MYRIP: variants seen among roughly 807,000 people sequenced by gnomAD.
MYRIP encodes the protein myosin VIIA and Rab interacting protein, also known as rab effector MyRIP.
Under a neutral mutation model 98.0 loss-of-function variants are expected in MYRIP, and 49 were observed. The ratio of observed to expected loss-of-function variants is 0.50; its 90% CI spans 0.40 to 0.63. MYRIP has a LOEUF of 0.63. Among genes scored for constraint, MYRIP ranks in the 30% least tolerant of loss-of-function variants. MYRIP has a pLI of 0.00. For synonymous variants in MYRIP, 404 were observed against 409.5 expected (o/e 0.99, Z 0.16); for missense variants, 1,004 against 1,058.2 (o/e 0.95, Z 0.71).
chr3:40,007,518 A>G (rs554635854), intron 2 of MYRIP, among the ~76,000 whole-genome samples: 31 of 152,268 alleles, frequency 2.0e-4, no homozygotes, highest in African/African-American at 6.7e-4. Flanking sequence ...CATTCCTCAC[A>G]GACATTGTGA....
chr3:40,010,412 G>A (rs1946735909), intron 2 of MYRIP, among the ~76,000 whole-genome samples: 1 of 152,190 alleles, frequency 6.6e-6, no homozygotes, highest in Non-Finnish European at 1.5e-5. Flanking sequence ...ATTCTAGTAG[G>A]AGACAGCCAT....
At chr3:39,820,032 C>G (rs1056191731) in intron 1 of MYRIP, among the ~76,000 whole-genome samples, 3 of 152,100 alleles carry the variant, frequency 2.0e-5, no homozygotes, top group African/African-American at 7.2e-5. Context: ...TGATCTGCAG[C>G]CGGGATACAC....
At chr3:39,913,658 C>T (rs1944080534) in intron 2 of MYRIP, among the ~76,000 whole-genome samples, 1 of 152,176 alleles carries the variant, frequency 6.6e-6, no homozygotes, top group African/African-American at 2.4e-5. Flanking sequence ...TTGAGACACC[C>T]ATGTTATGAT....
chr3:39,918,268 T>G (rs1315777313), intron 2 of MYRIP, among the ~76,000 whole-genome samples: 1 of 152,204 alleles, frequency 6.6e-6, no homozygotes, highest in Non-Finnish European at 1.5e-5. Context: ...ATCAAATTTG[T>G]GCTCAAATAA....
chr3:39,898,543 C>G (rs1452621099), intron 1 of MYRIP, among the ~76,000 whole-genome samples: 1 of 152,020 alleles, frequency 6.6e-6, no homozygotes, highest in Non-Finnish European at 1.5e-5. Context: ...GATTTTAAAA[C>G]CTGAGGTTTT....
intron 1 of MYRIP, among the ~76,000 whole-genome samples, chr3:39,847,615 T>G (rs929001022): frequency 2.0e-5 from 3 of 152,198 alleles, no homozygotes; most frequent in Non-Finnish European, 2.9e-5. Flanking sequence ...GGGTTAATTC[T>G]CAGTGATTTT....
chr3:40,062,893 A>G (rs1948048306), intron 3 of MYRIP, among the ~76,000 whole-genome samples: 1 of 152,232 alleles, frequency 6.6e-6, no homozygotes, highest in African/African-American at 2.4e-5. Flanking sequence ...ACCAAGATGT[A>G]GCAAGTCAAA....
chr3:39,966,020 G>C (rs2125738262), intron 2 of MYRIP, among the ~76,000 whole-genome samples: 1 of 152,280 alleles, frequency 6.6e-6, no homozygotes, highest in Admixed American at 6.5e-5. Context: ...AAGGCCATTA[G>C]CAAAATGATG....
intron 11 of MYRIP, among the ~76,000 whole-genome samples, chr3:40,224,700 T>A (rs1191463794): frequency 6.6e-6 from 1 of 152,134 alleles, no homozygotes; most frequent in East Asian, 1.9e-4. Context: ...AAAAGGAAAA[T>A]ATTTCTTTTA....
intron 2 of MYRIP, among the ~76,000 whole-genome samples, chr3:40,035,342 CAAG>C (rs1381277866): frequency 6.6e-6 from 1 of 151,910 alleles, no homozygotes; most frequent in African/African-American, 2.4e-5. Context: ...ATGGATTCCC[CAAG>C]ATGAGAAACA....
chr3:39,951,216 C>A (rs79754719), intron 2 of MYRIP, among the ~76,000 whole-genome samples: 3 of 152,040 alleles, frequency 2.0e-5, no homozygotes, highest in African/African-American at 7.3e-5. Context: ...ACTCAAACCC[C>A]CCTGGCTTTA....
chr3:40,186,680 T>G (rs1354873316), intron 9 of MYRIP, among the ~76,000 whole-genome samples: 5 of 152,166 alleles, frequency 3.3e-5, no homozygotes, highest in Non-Finnish European at 7.4e-5. Context: ...AAGTAAAGAC[T>G]TGCAAGTGCT....
At chr3:40,053,393 G>A (rs974494216) in intron 3 of MYRIP, among the ~76,000 whole-genome samples, 2 of 152,070 alleles carry the variant, frequency 1.3e-5, no homozygotes, top group African/African-American at 4.8e-5. Flanking sequence ...ACCATGAGGT[G>A]GATAGGAATT....
chr3:39,951,220 G>C (rs1193305020), intron 2 of MYRIP, among the ~76,000 whole-genome samples: 1 of 152,080 alleles, frequency 6.6e-6, no homozygotes, highest in Non-Finnish European at 1.5e-5. Flanking sequence ...AAACCCCCCT[G>C]GCTTTAGCTC....
intron 6 of MYRIP, 21 bp downstream of exon 6, chr3:40,166,964 C>G (rs555573013): frequency 1.3e-6 from 2 of 1,577,684 alleles, no homozygotes; most frequent in African/African-American, 1.3e-5. Context: ...TCCTGCTCCT[C>G]TCTGTGGGGG....
intron 2 of MYRIP, among the ~76,000 whole-genome samples, chr3:40,011,742 A>G (rs1322622891): frequency 6.6e-6 from 1 of 152,238 alleles, no homozygotes; most frequent in Admixed American, 6.5e-5. Context: ...CCTGGGGCAT[A>G]TAAAAAGTAA....
At chr3:39,991,668 A>C (rs1451142732) in intron 2 of MYRIP, among the ~76,000 whole-genome samples, 5 of 151,958 alleles carry the variant, frequency 3.3e-5, no homozygotes, top group Non-Finnish European at 5.9e-5. Flanking sequence ...TTCCTGTACC[A>C]CCTTCAAGTA....
rs968124360 is a variant in MYRIP at position 40,227,078 on chromosome 3, A to G, written c.1906-6781A>G. On this transcript the variant is annotated intron_variant, in intron 11 of 16. Coordinates refer to ENST00000302541, the MANE Select transcript of MYRIP (RefSeq NM_015460.4). ...TGCAGGACAGATCTTACCTTCTGCT[A>G]CCTGCTGTTGTCTCCTGACTGCTTC... 5.3e-5 allele frequency among the ~76,000 whole-genome samples: 8 copies of G among 152,268 alleles called. 1 individual carries two copies. In the East Asian group the frequency reaches 1.2e-3, roughly 22 times the overall value.
At chr3:40,085,505 G>A (rs181694320) in intron 3 of MYRIP, among the ~76,000 whole-genome samples, 2 of 152,142 alleles carry the variant, frequency 1.3e-5, no homozygotes, top group African/African-American at 2.4e-5. Context: ...GGCTGATCTC[G>A]AACTCCTGAC....
Sources: gnomAD v4.1 joint callset for allele counts (sites outside exome capture counted in the v4.1 genomes callset) on GRCh38, gnomAD v4.1.1 for gene constraint, MANE v1.5 for transcripts, NCBI Gene and HGNC (gene_info 2026-07-23, HGNC 2026-07-21) for gene names.